SYNE1: variants seen among roughly 807,000 people sequenced by gnomAD.
SYNE1 encodes the protein nesprin-1.
Under a neutral mutation model 1,111.0 loss-of-function variants are expected in SYNE1, and 616 were observed. The ratio of observed to expected loss-of-function variants is 0.55; its 90% CI spans 0.52 to 0.59. SYNE1 has a LOEUF of 0.59. Among genes scored for constraint, SYNE1 ranks in the 20% least tolerant of loss-of-function variants. The pLI is 0.00. For synonymous variants in SYNE1, 3,855 were observed against 3,825.8 expected (o/e 1.01, Z -0.28); for missense variants, 10,006 against 10,417.0 (o/e 0.96, Z 1.72).
At chr6:152,182,190 C>A (rs1168349879) in intron 128 of SYNE1, among the ~76,000 whole-genome samples, 2 of 152,104 alleles carry the variant, frequency 1.3e-5, no homozygotes. Flanking sequence ...ATTATCCTTT[C>A]CAGAATTCTA....
chr6:152,404,104 G>GATTAT, intron 46 of SYNE1, 109 bp downstream of exon 46: 1 of 543,358 alleles, frequency 1.8e-6, no homozygotes, highest in Non-Finnish European at 3.2e-6. Context: ...AGATATATGA[G>GATTAT]ATATATATAT....
chr6:152,177,151 A>C (rs946466905), intron 129 of SYNE1, among the ~76,000 whole-genome samples: 3 of 152,218 alleles, frequency 2.0e-5, no homozygotes, highest in African/African-American at 7.2e-5. Flanking sequence ...TTTCAATAAT[A>C]ATAACTATTA....
At chr6:152,355,128 C>A (rs1479235080) in intron 66 of SYNE1, 152 bp from the exon 67 acceptor site, 7 of 815,194 alleles carry the variant, frequency 8.6e-6, no homozygotes, top group Non-Finnish European at 1.4e-5. Context: ...ATGTCCCTAA[C>A]CATATTTTCT....
At chr6:152,511,187 A>C (rs1156753181) in intron 6 of SYNE1, 84 bp from the exon 7 acceptor site, 1 of 1,219,366 alleles carries the variant, frequency 8.2e-7, no homozygotes, top group Non-Finnish European at 1.2e-6. Context: ...CCTTTAGTAG[A>C]CATCAATAAG....
rs372163170 is a variant in SYNE1, at chr6:152,281,811, C to T, written c.18377G>A (p.Cys6126Tyr). Residue 6126 changes from cysteine to tyrosine, a missense_variant, in exon 97 of 146, where the codon TGC becomes TAC. Transcript: ENST00000367255. ...CCTTTGAGACCATTTTGGTACCTGG[C>T]AGTCCATAAGCTGGGCCTCCATGTC... ...PMDMEAQLMD[C>Y]QNMLVEIEQK... The T allele has an allele frequency of 4.3e-6, 7 of 1,614,040 alleles. No individual in the cohort carries two copies. In the African/African-American group the frequency reaches 9.3e-5, roughly 22 times the overall value.
Position 152,358,484 on chromosome 6 carries a change from T to C in SYNE1, c.10497A>G (p.Arg3499=), listed in dbSNP as rs761348789. 11 of 1,614,212 alleles carry C rather than the reference T, an allele frequency of 6.8e-6. No individual in the cohort carries two copies. In the South Asian group the frequency reaches 1.2e-4, roughly 18 times the overall value. The change falls in exon 66 of 146, where the codon AGA becomes AGG. Residue 3499 remains arginine, a synonymous_variant. Transcript: ENST00000367255. ...ACCAAACTTCAAATGCCTTTAGGTC[T>C]CTCTGATACTCTTGGTGCAGGCGGA... is the stretch of plus-strand genomic sequence containing the variant. ...KLVRLHQEYQ[R]DLKAFEVWLG...
At chr6:152,565,258 A>T (rs2099409080) in intron 3 of SYNE1, among the ~76,000 whole-genome samples, 1 of 152,216 alleles carries the variant, frequency 6.6e-6, no homozygotes. Context: ...TTACTGAGCA[A>T]ATCCAAATCA....
At chr6:152,296,317 G>A (rs1481648612) in intron 93 of SYNE1, among the ~76,000 whole-genome samples, 5 of 152,072 alleles carry the variant, frequency 3.3e-5, no homozygotes, top group Admixed American at 1.3e-4. Flanking sequence ...CCACTCACTC[G>A]CCAATATTGG....
At position 152,429,988 on chromosome 6, in the gene SYNE1, C is replaced by T. The variant is rs895401892; in HGVS notation, c.4788+124G>A. 4.3e-6 allele frequency: 3 copies of T among 696,358 alleles called. No individual in the cohort carries two copies. In the African/African-American group the frequency reaches 5.4e-5, roughly 12 times the overall value. 43.1% of individuals were successfully genotyped at this position (696,358 alleles called of 1,614,324 possible). A position where few individuals can be genotyped will look rare whatever the true frequency, so the allele number is the denominator to read the frequency against. On this transcript the variant is annotated intron_variant, in intron 36 of 145. Transcript: ENST00000367255. The stretch of plus-strand genomic sequence containing the variant: ...TGAATACATTAGATCTATATAATTA[C>T]TCAACTAATATAAACATTTTTCCAA...
At position 152,330,336 on chromosome 6, in the gene SYNE1, G is replaced by C; in HGVS notation, c.14349C>G (p.His4783Gln). 1 of 1,614,076 alleles carries C rather than the reference G, an allele frequency of 6.2e-7. No homozygotes were observed. The highest frequency in any genetic ancestry group is 8.5e-7 in the Non-Finnish European group (1 of 1,180,020). Reference protein sequence around the residue: ...LEDTTSAYQEHEKMCQQLERQ... With the variant: ...LEDTTSAYQEQEKMCQQLERQ... Reference sequence around the variant, plus strand: ...TCTCCAGCTGTTGGCACATCTTCTCGTGTTCTTGGTAAGCACTGGTGGTGT... The same window carrying C: ...TCTCCAGCTGTTGGCACATCTTCTCCTGTTCTTGGTAAGCACTGGTGGTGT... The change falls in exon 78 of 146, where the codon CAC (histidine) becomes CAG (glutamine). Residue 4783 changes from histidine to glutamine, a missense_variant. Physicochemically the swap from His to Gln is conservative, Grantham distance 24. This residue lies in a region of SYNE1 where 4,955 missense variants were observed against 5,017.2 expected (regional missense o/e 0.99). Coordinates refer to ENST00000367255, the MANE Select transcript of SYNE1 (RefSeq NM_182961.4).
At chr6:152,281,211 T>C (rs531091964) in intron 97 of SYNE1, among the ~76,000 whole-genome samples, 1 of 152,356 alleles carries the variant, frequency 6.6e-6, no homozygotes, top group East Asian at 1.9e-4. Flanking sequence ...TATACTTATA[T>C]GCATTTTTGA....
At chr6:152,571,496 A>G (rs1198857067) in intron 3 of SYNE1, among the ~76,000 whole-genome samples, 1 of 152,216 alleles carries the variant, frequency 6.6e-6, no homozygotes, top group Non-Finnish European at 1.5e-5. Context: ...AATCCTTCAG[A>G]GGCATTTCAT....
At position 152,249,146 on chromosome 6, in the gene SYNE1, G is replaced by C. The variant is rs1171338449; in HGVS notation, c.19572+15C>G. On this transcript the variant is annotated intron_variant, in intron 105 of 145. Transcript: ENST00000367255. ...CTATGCATTTTCTCTTCTAGGAAAAGGCAGCTATAAATACCTCTATTTGTT... is the reference window on the plus strand; with the variant it reads ...CTATGCATTTTCTCTTCTAGGAAAACGCAGCTATAAATACCTCTATTTGTT... 1 of 1,532,618 alleles carries C rather than the reference G, an allele frequency of 6.5e-7. No individual in the cohort carries two copies. 94.9% of individuals were successfully genotyped at this position (1,532,618 alleles called of 1,614,324 possible).
chr6:152,489,333 T>C (rs1353236774), intron 11 of SYNE1, among the ~76,000 whole-genome samples: 1 of 152,074 alleles, frequency 6.6e-6, no homozygotes, highest in Non-Finnish European at 1.5e-5. Flanking sequence ...GTGACACAGG[T>C]AAAATGACTG....
At chr6:152,583,719 C>T (rs2099527959) in intron 3 of SYNE1, among the ~76,000 whole-genome samples, 1 of 152,178 alleles carries the variant, frequency 6.6e-6, no homozygotes, top group Admixed American at 6.5e-5. Context: ...ATCAATGGTT[C>T]ATTTCTGCTG....
chr6:152,231,170 GA>G (rs769942615), intron 114 of SYNE1, among the ~76,000 whole-genome samples: 12 of 152,184 alleles, frequency 7.9e-5, no homozygotes, highest in Non-Finnish European at 1.3e-4. Context: ...GGCATCTTTA[GA>G]AAACTGAAAC....
chr6:152,380,288 C>G (rs1319046929), intron 56 of SYNE1, among the ~76,000 whole-genome samples: 1 of 152,086 alleles, frequency 6.6e-6, no homozygotes, highest in Non-Finnish European at 1.5e-5. Context: ...TAAGGACATC[C>G]ATGAATCAGG....
At chr6:152,513,333 T>C (rs2099094861) in intron 6 of SYNE1, among the ~76,000 whole-genome samples, 1 of 152,088 alleles carries the variant, frequency 6.6e-6, no homozygotes, top group Non-Finnish European at 1.5e-5. Context: ...TTCATAAGCA[T>C]GGGGCCCTAA....
intron 3 of SYNE1, among the ~76,000 whole-genome samples, chr6:152,562,542 C>A (rs2099398406): frequency 6.6e-6 from 1 of 152,202 alleles, no homozygotes; most frequent in Non-Finnish European, 1.5e-5. Flanking sequence ...AGTCCCACTA[C>A]TGAGTATATA....
Sources: gnomAD v4.1 joint callset for allele counts (sites outside exome capture counted in the v4.1 genomes callset) on GRCh38, gnomAD v4.1.1 for gene constraint, gnomAD v4.1.1 regional missense constraint, MANE v1.5 for transcripts, NCBI Gene and HGNC (gene_info 2026-07-23, HGNC 2026-07-21) for gene names.